Variants in CHST11 observed in about 807,000 individuals in gnomAD.
CHST11 encodes carbohydrate sulfotransferase 11, also known as C4S-1.
CHST11 carries 9 observed loss-of-function variants against 30.4 expected under a neutral mutation model. That is an observed-to-expected ratio of 0.30 (90% CI 0.18 to 0.52). The LOEUF is 0.52. CHST11 is among the 20% of genes least tolerant of loss of function. The probability of loss-of-function intolerance (pLI) is 0.97; values close to 1 mark genes in which losing one functional copy is unlikely to be tolerated. For missense variants in CHST11, 348 were observed against 460.6 expected (o/e 0.76, Z 2.24); for synonymous variants, 152 against 187.8 (o/e 0.81, Z 1.56).
Position 104,643,321 on chromosome 12 carries a change from C to T in CHST11, c.204+41330C>T, listed in dbSNP as rs150025484. ...CCAGCCTAGGCAATAGAACAAGACCCTATCTCTTAAAACAAAGCAAAACAA... is the reference window on the plus strand; with the variant it reads ...CCAGCCTAGGCAATAGAACAAGACCTTATCTCTTAAAACAAAGCAAAACAA... On this transcript the variant is annotated intron_variant, in intron 2 of 2. Coordinates refer to ENST00000303694, the MANE Select transcript of CHST11 (RefSeq NM_018413.6). 4.9e-3 allele frequency among the ~76,000 whole-genome samples: 744 copies of T among 152,302 alleles called. 9 individuals carry two copies. Among genetic ancestry groups the T allele is most frequent in the African/African-American group, 0.017 (694 of 41,556 alleles).
At chr12:104,464,387 C>T (rs1159628334) in intron 1 of CHST11, among the ~76,000 whole-genome samples, 1 of 152,104 alleles carries the variant, frequency 6.6e-6, no homozygotes, top group East Asian at 1.9e-4. Context: ...TTGTGCTCAT[C>T]TTTGGGCAGC....
intron 1 of CHST11, among the ~76,000 whole-genome samples, chr12:104,472,872 A>T (rs4964293): frequency 0.1 from 15,588 of 152,030 alleles, 1,193 homozygotes; most frequent in East Asian, 0.38. Context: ...GGATGAGTAG[A>T]AATTTGCTGG....
At chr12:104,690,713 C>G (rs568967179) in intron 2 of CHST11, among the ~76,000 whole-genome samples, 36 of 152,238 alleles carry the variant, frequency 2.4e-4, no homozygotes, top group African/African-American at 7.9e-4. Context: ...CCTGTGGTCC[C>G]AGCTACTGGG....
chr12:104,691,467 A>C (rs1237532222), intron 2 of CHST11, among the ~76,000 whole-genome samples: 4 of 151,568 alleles, frequency 2.6e-5, no homozygotes, highest in Admixed American at 1.3e-4. Flanking sequence ...GCGGGGGGGA[A>C]ACCAGGCACA....
chr12:104,547,046 G>C (rs953156420), intron 1 of CHST11, among the ~76,000 whole-genome samples: 6 of 152,200 alleles, frequency 3.9e-5, no homozygotes, highest in African/African-American at 7.2e-5. Context: ...AAAGCACTCA[G>C]GTCTTCGACC....
intron 1 of CHST11, among the ~76,000 whole-genome samples, chr12:104,500,382 T>G (rs1389582498): frequency 1.3e-5 from 2 of 152,154 alleles, no homozygotes; most frequent in African/African-American, 4.8e-5. Flanking sequence ...CACAGAGAAT[T>G]TTAAATGATT....
intron 1 of CHST11, among the ~76,000 whole-genome samples, chr12:104,474,023 C>T (rs959556372): frequency 6.6e-6 from 1 of 152,036 alleles, no homozygotes; most frequent in Non-Finnish European, 1.5e-5. Context: ...CACAGATATG[C>T]AGCGTGTTTT....
intron 2 of CHST11, among the ~76,000 whole-genome samples, chr12:104,618,159 G>A (rs1350660478): frequency 6.6e-5 from 10 of 151,550 alleles, no homozygotes; most frequent in South Asian, 2.1e-4. Flanking sequence ...TGCCTGCCTC[G>A]GCCTCCCAAA....
intron 1 of CHST11, among the ~76,000 whole-genome samples, chr12:104,533,743 G>A (rs1295433720): frequency 6.6e-6 from 1 of 152,196 alleles, no homozygotes; most frequent in East Asian, 1.9e-4. Context: ...GGGGACAGTG[G>A]AAACGTAGGA....
At position 104,600,482 on chromosome 12, in the gene CHST11, G is replaced by C. The variant is rs1272099003; in HGVS notation, c.119-1424G>C. Among the ~76,000 whole-genome samples the C allele has an allele frequency of 6.6e-6, 1 of 152,146 alleles. No individual in the cohort carries two copies. Among genetic ancestry groups the C allele is most frequent in the Non-Finnish European group, 1.5e-5 (1 of 68,028 alleles). Reference sequence around the variant, plus strand: ...CCAACACTTTTAAACTGTGGCTTTTGGCCAGGCACAGTTTTAAGCATTCTG... The same window carrying C: ...CCAACACTTTTAAACTGTGGCTTTTCGCCAGGCACAGTTTTAAGCATTCTG... On this transcript the variant is annotated intron_variant, in intron 1 of 2. Transcript: ENST00000303694. The surrounding 1 kb of genome is among the most constrained non-coding windows in gnomAD (Gnocchi z 4.1).
intron 2 of CHST11, among the ~76,000 whole-genome samples, chr12:104,607,744 G>T (rs1369979888): frequency 6.6e-6 from 1 of 152,168 alleles, no homozygotes; most frequent in East Asian, 1.9e-4. Flanking sequence ...GGCAGGAGTG[G>T]CAGGTTGGTA....
rs185021448 is a variant in CHST11, at chr12:104,630,265, C to G, written c.204+28274C>G. On this transcript the variant is annotated intron_variant, in intron 2 of 2. Coordinates refer to ENST00000303694, the MANE Select transcript of CHST11 (RefSeq NM_018413.6). The stretch of plus-strand genomic sequence containing the variant: ...CACCAGGACCATCTTAGAATTCTGC[C>G]TACCACACTAGCTGTGTGGCTTTGG... Among the ~76,000 whole-genome samples, 92 of 152,212 alleles carry G rather than the reference C, an allele frequency of 6.0e-4. 1 individual carries two copies. The highest frequency in any genetic ancestry group is 1.2e-3 in the Admixed American group (19 of 15,278).
At chr12:104,732,755 T>C (rs528950783) in intron 2 of CHST11, among the ~76,000 whole-genome samples, 1 of 152,352 alleles carries the variant, frequency 6.6e-6, no homozygotes, top group African/African-American at 2.4e-5. Flanking sequence ...TCACATCATC[T>C]ATTGATACCC....
intron 1 of CHST11, among the ~76,000 whole-genome samples, chr12:104,474,897 G>A (rs1055234638): frequency 1.3e-4 from 20 of 152,298 alleles, no homozygotes; most frequent in African/African-American, 4.3e-4. Flanking sequence ...CTTGGACGGC[G>A]GTAGGGGGTC....
chr12:104,643,748 G>A (rs1162645923), intron 2 of CHST11, among the ~76,000 whole-genome samples: 3 of 152,090 alleles, frequency 2.0e-5, no homozygotes, highest in Non-Finnish European at 4.4e-5. Flanking sequence ...TTCTAGATCA[G>A]GGATGGAAAC....
chr12:104,736,707 G>GT (rs1346098564), intron 2 of CHST11, among the ~76,000 whole-genome samples: 1 of 152,196 alleles, frequency 6.6e-6, no homozygotes, highest in African/African-American at 2.4e-5. Flanking sequence ...AGTTGGCAGG[G>GT]TTGGGGGTCT....
chr12:104,587,887 T>C (rs2038821094), intron 1 of CHST11, among the ~76,000 whole-genome samples: 1 of 112,212 alleles, frequency 8.9e-6, no homozygotes, highest in African/African-American at 3.7e-5. Flanking sequence ...TCACCCGGGC[T>C]GGAGGAGATT....
At chr12:104,585,708 G>C (rs1167796811) in intron 1 of CHST11, among the ~76,000 whole-genome samples, 1 of 152,212 alleles carries the variant, frequency 6.6e-6, no homozygotes, top group African/African-American at 2.4e-5. Flanking sequence ...ACACTGGGTG[G>C]CTTTAAACCA....
rs1263244386 is a variant in CHST11, at chr12:104,760,662, A to C, written c.*2859A>C. 2 of 152,170 alleles carry C rather than the reference A, an allele frequency of 1.3e-5. No homozygotes were observed. The highest frequency in any genetic ancestry group is 2.9e-5 in the Non-Finnish European group (2 of 68,034). 9.4% of individuals were successfully genotyped at this position (152,170 alleles called of 1,614,324 possible). ...CACTGTCATGTGAAGATGGCCTTTCATCTGGCTTCTCTCTCTTAAGTGAGA... is the reference window on the plus strand; with the variant it reads ...CACTGTCATGTGAAGATGGCCTTTCCTCTGGCTTCTCTCTCTTAAGTGAGA... On this transcript the variant is annotated 3_prime_UTR_variant, in exon 3 of 3. Transcript: ENST00000303694.
Sources: allele counts gnomAD v4.1 joint callset (sites outside exome capture counted in the v4.1 genomes callset), GRCh38; gene constraint gnomAD v4.1.1; non-coding constraint Gnocchi (gnomAD v3.1); transcripts MANE v1.5; gene names NCBI Gene and HGNC (gene_info 2026-07-23, HGNC 2026-07-21).